The following TRPM1 variants were observed in gnomAD, a reference collection of about 807,000 sequenced individuals.
The protein encoded by TRPM1 is TRPM1-203 APA Isoform, Intron 10.
In TRPM1, 113 loss-of-function variants were observed where a neutral mutation model predicts 149.4. That is an observed-to-expected ratio of 0.76 (90% CI 0.65 to 0.88). TRPM1 has a LOEUF of 0.88. TRPM1 is among the 40% of genes least tolerant of loss of function. TRPM1 has a pLI of 0.00. For synonymous variants in TRPM1, 741 were observed against 759.5 expected (o/e 0.98, Z 0.40); for missense variants, 1,976 against 2,038.7 (o/e 0.97, Z 0.59).
chr15:31,119,442 A>G (rs8032212), intron 1 of TRPM1, among the ~76,000 whole-genome samples: 2,025 of 151,946 alleles, frequency 0.013, 44 homozygotes, highest in African/African-American at 0.047. Context: ...AGAGATAAAG[A>G]TATTTTCAGA....
chr15:31,143,105 A>G (rs1244356080), intron 1 of TRPM1, among the ~76,000 whole-genome samples: 2 of 152,236 alleles, frequency 1.3e-5, no homozygotes, highest in East Asian at 3.8e-4. Flanking sequence ...AGCTTTTTGC[A>G]GGCAACTATA....
chr15:31,133,701 T>G (rs1596093675), intron 1 of TRPM1, among the ~76,000 whole-genome samples: 1 of 149,660 alleles, frequency 6.7e-6, no homozygotes, highest in African/African-American at 2.5e-5. Flanking sequence ...AAAAAAAAAA[T>G]TGGGAGGGGG....
intron 7 of TRPM1, 30 bp from the exon 8 acceptor site, chr15:31,063,322 A>C (rs1481747953): frequency 6.2e-7 from 1 of 1,614,002 alleles, no homozygotes. Flanking sequence ...CGCCCATACC[A>C]CCTGTGCCCT....
At chr15:31,035,842 C>T (rs985728774) in intron 20 of TRPM1, 168 bp from the exon 21 acceptor site, 1 of 943,148 alleles carries the variant, frequency 1.1e-6, no homozygotes. Flanking sequence ...AGACAGAAGA[C>T]CTGGAGGCAG....
rs771717130 is a variant in TRPM1, at chr15:31,046,245, A to C, written c.1765-12T>G. On this transcript the variant is annotated splice_polypyrimidine_tract_variant and intron_variant, in intron 15 of 27. Transcript: ENST00000256552. ...TTAAGAGCTTTAGGCTGCATGGTGAAAGAGGAAGAAAAAAAATCAATTTAC... is the reference window on the plus strand; with the variant it reads ...TTAAGAGCTTTAGGCTGCATGGTGACAGAGGAAGAAAAAAAATCAATTTAC... 27 of 1,613,448 alleles carry C rather than the reference A, an allele frequency of 1.7e-5. No individual in the cohort carries two copies. Among genetic ancestry groups the C allele is most frequent in the African/African-American group, 2.7e-5 (2 of 74,896 alleles).
intron 27 of TRPM1, among the ~76,000 whole-genome samples, chr15:31,007,633 C>T (rs560806514): frequency 4.3e-4 from 30 of 69,806 alleles, no homozygotes; most frequent in African/African-American, 2.0e-3. Flanking sequence ...GAGACTTCGT[C>T]TATAACAACA....
At chr15:31,037,145 G>C (rs2033425344) in intron 20 of TRPM1, among the ~76,000 whole-genome samples, 1 of 152,208 alleles carries the variant, frequency 6.6e-6, no homozygotes, top group South Asian at 2.1e-4. Flanking sequence ...CTCCTCTCCT[G>C]TTCTTGTTAG....
intron 11 of TRPM1, among the ~76,000 whole-genome samples, chr15:31,057,719 A>T (rs2034121098): frequency 6.6e-6 from 1 of 152,100 alleles, no homozygotes; most frequent in South Asian, 2.1e-4. Context: ...AAGAGCCTTG[A>T]TATGGTTTGG....
rs78946680 is a variant in TRPM1, at chr15:31,133,158, C to T, written c.54+27748G>A. Among the ~76,000 whole-genome samples, 1,009 of 152,242 alleles carry T rather than the reference C, an allele frequency of 6.6e-3. 12 individuals are homozygous for T. Among genetic ancestry groups the T allele is most frequent in the African/African-American group, 0.023 (960 of 41,528 alleles). On this transcript the variant is annotated intron_variant, in intron 1 of 26. Coordinates refer to the TRPM1 transcript ENST00000542188. ...GCTGCAATAAGGAAACTGCAGTGGC[C>T]GAGCGTGGTGGCTCACACCTGTAAT...
At chr15:31,116,604 A>AATAAATAAATAAATAC (rs2035800581) in intron 1 of TRPM1, among the ~76,000 whole-genome samples, 1 of 129,996 alleles carries the variant, frequency 7.7e-6, no homozygotes, top group Non-Finnish European at 1.5e-5. Flanking sequence ...CTCCATCTGA[A>AATAAATAAATAAATAC]ATAAATAAAT....
chr15:31,032,312 G>A (rs979972919), intron 22 of TRPM1, among the ~76,000 whole-genome samples: 2 of 151,878 alleles, frequency 1.3e-5, no homozygotes, highest in Non-Finnish European at 2.9e-5. Flanking sequence ...AACGTAATTA[G>A]TCACCCTACA....
In TRPM1 at chr15:31,090,863, A is replaced by T. The variant is rs569652569; in HGVS notation, c.-83-9425T>A. 2.9e-3 allele frequency among the ~76,000 whole-genome samples: 434 copies of T among 152,218 alleles called. 8 individuals are homozygous for T. Among genetic ancestry groups the T allele is most frequent in the African/African-American group, 9.8e-3 (408 of 41,526 alleles). Reference sequence around the variant, plus strand: ...AGATCCACCATTTCTTATCTTTATGACCTTGGCCAACTTACTTAACTTTCC... The same window carrying T: ...AGATCCACCATTTCTTATCTTTATGTCCTTGGCCAACTTACTTAACTTTCC... On this transcript the variant is annotated intron_variant, in intron 1 of 27. Coordinates refer to ENST00000256552, the MANE Select transcript of TRPM1 (RefSeq NM_001252024.2).
Position 31,035,971 on chromosome 15 carries a change from G to C in TRPM1, c.2572-297C>G, listed in dbSNP as rs963827592. The C allele has an allele frequency of 2.8e-5, 13 of 458,168 alleles. No individual in the cohort carries two copies. The East Asian group carries it at 4.0e-4, about 14-fold the overall frequency. 28.4% of individuals were successfully genotyped at this position (458,168 alleles called of 1,614,324 possible). On this transcript the variant is annotated intron_variant, in intron 20 of 27. Coordinates refer to ENST00000256552, the MANE Select transcript of TRPM1 (RefSeq NM_001252024.2). ...GAAACTATGAAGTTGCAAACATTAT[G>C]ATAACGGGAAACTTTTAATAGTTTG...
At chr15:31,150,110 G>A (rs1045720800) in intron 1 of TRPM1, among the ~76,000 whole-genome samples, 1 of 152,190 alleles carries the variant, frequency 6.6e-6, no homozygotes, top group Admixed American at 6.5e-5. Flanking sequence ...AGCCCTAAGT[G>A]TTCTTAAGTG....
chr15:31,048,001 G>A, intron 13 of TRPM1, 62 bp from the exon 14 acceptor site: 3 of 1,439,890 alleles, frequency 2.1e-6, no homozygotes, highest in East Asian at 2.3e-5. Flanking sequence ...GGTGGCTCAC[G>A]CCTGTAGTCC....
chr15:31,020,481 G>A (rs911466355), intron 27 of TRPM1, among the ~76,000 whole-genome samples: 18 of 152,204 alleles, frequency 1.2e-4, no homozygotes, highest in African/African-American at 4.1e-4. Context: ...TGAAGGTCAT[G>A]GGAACCACAC....
intron 11 of TRPM1, among the ~76,000 whole-genome samples, chr15:31,053,019 A>C (rs1168843395): frequency 6.6e-6 from 1 of 152,224 alleles, no homozygotes; most frequent in Non-Finnish European, 1.5e-5. Flanking sequence ...CATCATGTAT[A>C]TGATAAGGGG....
chr15:31,104,541 G>A (rs1013807897), upstream of TRPM1, among the ~76,000 whole-genome samples: 1 of 148,880 alleles, frequency 6.7e-6, no homozygotes, highest in South Asian at 2.1e-4. Flanking sequence ...GGTGATGACT[G>A]TCTAGGGCCA....
At chr15:31,026,811 C>T (rs1320640559) in intron 26 of TRPM1, 104 bp downstream of exon 26, 2 of 1,229,408 alleles carry the variant, frequency 1.6e-6, no homozygotes, top group African/African-American at 3.0e-5. Flanking sequence ...GAGTGTGGTG[C>T]TTTTCACACG....
Sources: allele counts gnomAD v4.1 joint callset (sites outside exome capture counted in the v4.1 genomes callset), GRCh38; gene constraint gnomAD v4.1.1; transcripts MANE v1.5; gene names NCBI Gene and HGNC (gene_info 2026-07-23, HGNC 2026-07-21).